Variants in GTF2F2 observed in about 807,000 individuals in gnomAD.
GTF2F2 encodes general transcription factor IIF subunit 2.
Under a neutral mutation model 42.2 loss-of-function variants are expected in GTF2F2, and 23 were observed. That is an observed-to-expected ratio of 0.55 (90% CI 0.39 to 0.77). The LOEUF (loss-of-function observed/expected upper bound fraction) is 0.77, where lower values mean the gene tolerates loss of function less well. Among genes scored for constraint, GTF2F2 ranks in the 30% least tolerant of loss-of-function variants. The pLI, the probability that GTF2F2 is intolerant of heterozygous loss-of-function variation, is 0.00. For synonymous variants in GTF2F2, 105 were observed against 100.8 expected (o/e 1.04, Z -0.25); for missense variants, 261 against 287.2 (o/e 0.91, Z 0.66).
At chr13:45,148,616 G>T (rs1442850075) in intron 2 of GTF2F2, among the ~76,000 whole-genome samples, 1 of 152,088 alleles carries the variant, frequency 6.6e-6, no homozygotes, top group Non-Finnish European at 1.5e-5. Flanking sequence ...TGATCCTGGT[G>T]CATTGTGGCT....
intron 6 of GTF2F2, among the ~76,000 whole-genome samples, chr13:45,257,643 G>A (rs1876157437): frequency 6.6e-6 from 1 of 152,112 alleles, no homozygotes; most frequent in African/African-American, 2.4e-5. Flanking sequence ...TCAAAGTATG[G>A]TTTACAAGAG....
chr13:45,204,220 T>C (rs550169819), intron 4 of GTF2F2, among the ~76,000 whole-genome samples: 2 of 152,316 alleles, frequency 1.3e-5, no homozygotes, highest in Admixed American at 1.3e-4. Context: ...TATATGTATA[T>C]GTGTGGAATG....
chr13:45,137,917 A>G (rs1015676670), intron 2 of GTF2F2, among the ~76,000 whole-genome samples: 4 of 152,182 alleles, frequency 2.6e-5, no homozygotes, highest in Admixed American at 2.6e-4. Flanking sequence ...GGCCATGCTC[A>G]TCTTCTCTGT....
intron 5 of GTF2F2, among the ~76,000 whole-genome samples, chr13:45,244,161 TG>T (rs2138237283): frequency 6.6e-6 from 1 of 152,276 alleles, no homozygotes; most frequent in South Asian, 2.1e-4. Context: ...TTTTTCTGTG[TG>T]TGTATAGAAT....
At chr13:45,167,188 G>C (rs1871332009) in intron 4 of GTF2F2, among the ~76,000 whole-genome samples, 1 of 150,008 alleles carries the variant, frequency 6.7e-6, no homozygotes, top group Non-Finnish European at 1.5e-5. Context: ...AAATAATAAA[G>C]GGTAAAAAGC....
chr13:45,125,491 T>C (rs1274524694), intron 1 of GTF2F2, among the ~76,000 whole-genome samples: 2 of 152,100 alleles, frequency 1.3e-5, no homozygotes, highest in Non-Finnish European at 2.9e-5. Context: ...AGCTAATTTT[T>C]GTATTTTTAG....
intron 6 of GTF2F2, among the ~76,000 whole-genome samples, chr13:45,265,621 G>A (rs1464103259): frequency 6.6e-6 from 1 of 152,156 alleles, no homozygotes; most frequent in Admixed American, 6.5e-5. Context: ...TAATTGAAAA[G>A]TAGATACTCA....
intron 4 of GTF2F2, among the ~76,000 whole-genome samples, chr13:45,174,535 A>G (rs1593471163): frequency 6.6e-6 from 1 of 151,466 alleles, no homozygotes; most frequent in Admixed American, 6.6e-5. Context: ...TTCCTCAGTA[A>G]TATATTTTAC....
chr13:45,127,389 G>C (rs1869071451), intron 1 of GTF2F2, among the ~76,000 whole-genome samples: 1 of 151,844 alleles, frequency 6.6e-6, no homozygotes, highest in African/African-American at 2.4e-5. Context: ...GAAGTGCTGT[G>C]AATTCGGCTC....
intron 6 of GTF2F2, among the ~76,000 whole-genome samples, chr13:45,261,633 C>G (rs1237267516): frequency 6.6e-6 from 1 of 151,998 alleles, no homozygotes; most frequent in Non-Finnish European, 1.5e-5. Context: ...TGTTTCTACT[C>G]CAGTCTTACT....
At chr13:45,168,776 C>T (rs1235592111) in intron 4 of GTF2F2, among the ~76,000 whole-genome samples, 2 of 148,050 alleles carry the variant, frequency 1.4e-5, no homozygotes, top group African/African-American at 5.1e-5. Context: ...CCACACCTGG[C>T]TGGCTTCCTT....
At chr13:45,168,952 C>T in intron 4 of GTF2F2, among the ~76,000 whole-genome samples, 1 of 130,990 alleles carries the variant, frequency 7.6e-6, no homozygotes, top group South Asian at 2.8e-4. Context: ...CCTTCTTTCC[C>T]TCTTTCCCTC....
rs369599150 is a variant in GTF2F2 at position 45,136,687 on chromosome 13, A to G, written c.67-46A>G. Reference sequence around the variant, plus strand: ...AATATATCATTTTATGTTTGAAAAGATGTTAGCATCTAAAATAGACTTATT... The same window carrying G: ...AATATATCATTTTATGTTTGAAAAGGTGTTAGCATCTAAAATAGACTTATT... On this transcript the variant is annotated intron_variant, in intron 1 of 7. Coordinates refer to ENST00000340473, the MANE Select transcript of GTF2F2 (RefSeq NM_004128.3). 7.8e-5 allele frequency: 75 copies of G among 960,666 alleles called. No individual in the cohort carries two copies. The African/African-American group carries it at 1.1e-3, about 14-fold the overall frequency. 59.5% of individuals were successfully genotyped at this position (960,666 alleles called of 1,614,324 possible).
intron 4 of GTF2F2, chr13:45,193,727 G>A: frequency 6.8e-7 from 1 of 1,473,776 alleles, no homozygotes; most frequent in South Asian, 1.3e-5. Context: ...TGTCTTTGAT[G>A]CTGTGGTTTT....
chr13:45,145,242 G>A (rs1179262350), intron 2 of GTF2F2, among the ~76,000 whole-genome samples: 2 of 152,174 alleles, frequency 1.3e-5, no homozygotes, highest in African/African-American at 4.8e-5. Context: ...ATTAATATAT[G>A]AGGATAAATT....
At chr13:45,196,714 G>C (rs1314637586) in intron 4 of GTF2F2, among the ~76,000 whole-genome samples, 1 of 152,180 alleles carries the variant, frequency 6.6e-6, no homozygotes, top group African/African-American at 2.4e-5. Context: ...GATGTGGATA[G>C]ATACTATGTA....
At chr13:45,275,560 T>C (rs1354085177) in intron 7 of GTF2F2, among the ~76,000 whole-genome samples, 2 of 151,126 alleles carry the variant, frequency 1.3e-5, no homozygotes, top group Non-Finnish European at 2.9e-5. Flanking sequence ...GTATTTGGTT[T>C]TCTGTCCTTG....
chr13:45,154,517 A>C (rs1014016275), intron 4 of GTF2F2, among the ~76,000 whole-genome samples: 10 of 152,190 alleles, frequency 6.6e-5, no homozygotes, highest in Non-Finnish European at 1.5e-4. Flanking sequence ...TAGAACTGTG[A>C]TAATACAAAT....
intron 4 of GTF2F2, among the ~76,000 whole-genome samples, chr13:45,174,881 T>C (rs904596240): frequency 3.9e-5 from 6 of 152,210 alleles, no homozygotes; most frequent in African/African-American, 7.2e-5. Flanking sequence ...TTGGTACATA[T>C]GTACAATGTA....
Sources: allele counts gnomAD v4.1 joint callset (sites outside exome capture counted in the v4.1 genomes callset), GRCh38; gene constraint gnomAD v4.1.1; transcripts MANE v1.5; gene names NCBI Gene and HGNC (gene_info 2026-07-23, HGNC 2026-07-21).